DBNDD1: variants seen among roughly 807,000 people sequenced by gnomAD.
DBNDD1 encodes the protein dysbindin domain containing 1.
A neutral mutation model predicts 17.0 loss-of-function variants in DBNDD1; 14 were observed. That is an observed-to-expected ratio of 0.82 (90% CI 0.54 to 1.29). The LOEUF is 1.29. Ranked by LOEUF, DBNDD1 falls within the 50% of genes most tolerant of loss-of-function variation. The pLI is 0.00. For missense variants in DBNDD1, 221 were observed against 216.2 expected (o/e 1.02, Z -0.14); for synonymous variants, 105 against 102.0 (o/e 1.03, Z -0.18).
chr16:90,011,773 C>A (rs1245323791), intron 1 of DBNDD1: 1 of 418,884 alleles, frequency 2.4e-6, no homozygotes, highest in Admixed American at 2.5e-5. Flanking sequence ...AGCAGGGATA[C>A]CTCTCCGCCC....
At chr16:90,011,795 G>C (rs2035560653) in intron 1 of DBNDD1, 1 of 392,046 alleles carries the variant, frequency 2.6e-6, no homozygotes, top group Admixed American at 2.8e-5. Flanking sequence ...GAGGGCACAG[G>C]GGACAGGGGG....
rs943106145 is a variant in DBNDD1, at chr16:90,019,143, G to A, written c.31+168C>T. Among the ~76,000 whole-genome samples the A allele has an allele frequency of 6.6e-6, 1 of 152,152 alleles. No individual in the cohort carries two copies. The highest frequency in any genetic ancestry group is 1.5e-5 in the Non-Finnish European group (1 of 68,000). On this transcript the variant is annotated intron_variant, in intron 1 of 3. Transcript: ENST00000002501. This position sits in a 1 kb window ranked among gnomAD's most constrained non-coding sequence, Gnocchi z 6.1. ...TCGGTCCGTGTGCCCCCAGCCCCGC[G>A]CGGGGACCGCGCCCGGGAGGTGCCC...
chr16:90,013,259 C>T (rs991128649), intron 1 of DBNDD1, among the ~76,000 whole-genome samples: 2 of 8,004 alleles, frequency 2.5e-4, no homozygotes, highest in Non-Finnish European at 5.8e-4. Context: ...CGAAACCTTG[C>T]CTTAAAAAAA....
Position 90,005,308 on chromosome 16 carries a change from C to G in DBNDD1, c.*1027G>C, listed in dbSNP as rs1031557354. 6.6e-6 allele frequency: 1 copy of G among 152,442 alleles called. No homozygotes were observed. Among genetic ancestry groups the G allele is most frequent in the African/African-American group, 2.4e-5 (1 of 41,596 alleles). The allele number at this position is 152,442 out of a possible 1,614,324, so 9.4% of individuals were successfully genotyped here. A position where few individuals can be genotyped will look rare whatever the true frequency, so the allele number is the denominator to read the frequency against. ...GATATTAAACTCATTCTTTGACTTG[C>G]TGTCAGGCAAGAAGCCCATTCTGTG... is the stretch of plus-strand genomic sequence containing the variant. On this transcript the variant is annotated 3_prime_UTR_variant, in exon 4 of 4. Transcript: ENST00000002501.
chr16:90,009,153 G>T, intron 2 of DBNDD1, 131 bp downstream of exon 2: 1 of 1,383,364 alleles, frequency 7.2e-7, no homozygotes, highest in South Asian at 1.4e-5. Flanking sequence ...AGAGCTGCAA[G>T]AGCCTAGCAC....
At chr16:90,016,422 G>A (rs1048427153) in intron 1 of DBNDD1, among the ~76,000 whole-genome samples, 4 of 152,200 alleles carry the variant, frequency 2.6e-5, no homozygotes, top group African/African-American at 9.7e-5. Flanking sequence ...GCATGGGGGC[G>A]GGTGCTGGCA....
chr16:90,009,827 C>T lies in DBNDD1; in HGVS notation c.32-397G>A, dbSNP rs2035517582. The T allele has an allele frequency of 7.7e-6, 7 of 908,692 alleles. 1 individual carries two copies. The Middle Eastern group carries it at 1.3e-3, about 175-fold the overall frequency. The allele number at this position is 908,692 out of a possible 1,614,324, so 56.3% of individuals were successfully genotyped here. ...CCCTGAAGGATCGCCCATGGATTTC[C>T]ATGTCCAGCCTCTTGGTCCCCTTCA... is the stretch of plus-strand genomic sequence containing the variant. On this transcript the variant is annotated intron_variant, in intron 1 of 3. Coordinates refer to ENST00000002501, the MANE Select transcript of DBNDD1 (RefSeq NM_001042610.3).
At chr16:90,012,024 G>T (rs1054731452) in intron 1 of DBNDD1, among the ~76,000 whole-genome samples, 6 of 152,248 alleles carry the variant, frequency 3.9e-5, no homozygotes, top group African/African-American at 1.4e-4. Flanking sequence ...GCTGGACTGT[G>T]CTGTGGTCAC....
upstream of DBNDD1, chr16:90,019,795 G>C (rs1163789733): frequency 4.4e-6 from 3 of 689,606 alleles, no homozygotes; most frequent in East Asian, 8.2e-5. This position sits in a 1 kb window ranked among gnomAD's most constrained non-coding sequence, Gnocchi z 6.1. Flanking sequence ...CGCCGACTGT[G>C]TGCGGGCGCC....
chr16:90,006,564 CGCCGG>C, intron 3 of DBNDD1, 72 bp from the exon 4 acceptor site: 1 of 1,532,194 alleles, frequency 6.5e-7, no homozygotes, highest in Non-Finnish European at 8.8e-7. Flanking sequence ...CTCCAGGTGC[CGCCGG>C]CCTCCTGCGC....
chr16:90,006,413 C>A lies in DBNDD1; in HGVS notation c.399G>T (p.Lys133Asn), dbSNP rs752848344. ...TRTRAEQSHE[K>N]QPLGDPERQA... Reference sequence around the variant, plus strand: ...GCCGCTCGGGGTCGCCTAGGGGCTGCTTCTCGTGGCTCTGCTCAGCCCTTG... The same window carrying A: ...GCCGCTCGGGGTCGCCTAGGGGCTGATTCTCGTGGCTCTGCTCAGCCCTTG... The change falls in exon 4 of 4, where the codon AAG becomes AAT. Residue 133 changes from lysine (K) to asparagine (N), a missense_variant. Lys to Asn is a moderately conservative substitution (Grantham distance 94). Coordinates refer to ENST00000002501, the MANE Select transcript of DBNDD1 (RefSeq NM_001042610.3). 1 of 1,604,964 alleles carries A rather than the reference C, an allele frequency of 6.2e-7. No individual in the cohort carries two copies. The highest frequency in any genetic ancestry group is 8.5e-7 in the Non-Finnish European group (1 of 1,179,812).
At position 90,019,094 on chromosome 16, in the gene DBNDD1, C is replaced by G. The variant is rs972962176; in HGVS notation, c.31+217G>C. Among the ~76,000 whole-genome samples, 3 of 152,196 alleles carry G rather than the reference C, an allele frequency of 2.0e-5. No homozygotes were observed. Among genetic ancestry groups the G allele is most frequent in the Non-Finnish European group, 1.5e-5 (1 of 68,026 alleles). Reference sequence around the variant, plus strand: ...CGGGCACGGCTTCCCGGGCCGGGAGCGCAGAGAACAAGGGGGCGGAGACTC... The same window carrying G: ...CGGGCACGGCTTCCCGGGCCGGGAGGGCAGAGAACAAGGGGGCGGAGACTC... On this transcript the variant is annotated intron_variant, in intron 1 of 3. Transcript: ENST00000002501. The surrounding 1 kb of genome is among the most constrained non-coding windows in gnomAD (Gnocchi z 6.1).
intron 1 of DBNDD1, chr16:90,010,017 T>C: frequency 6.2e-7 from 1 of 1,614,198 alleles, no homozygotes; most frequent in Non-Finnish European, 8.5e-7. Context: ...TGCCTCACAG[T>C]TGAGCAAATA....
intron 1 of DBNDD1, among the ~76,000 whole-genome samples, chr16:90,017,261 C>G (rs13334855): frequency 6.6e-6 from 1 of 151,940 alleles, no homozygotes; most frequent in African/African-American, 2.4e-5. Context: ...TTTGGGAGGC[C>G]GAGGCGGGTG....
In DBNDD1 at chr16:90,009,626, C is replaced by T. The variant is rs544969949; in HGVS notation, c.32-196G>A. 7.7e-5 allele frequency: 60 copies of T among 777,398 alleles called. No homozygotes were observed. The East Asian group carries it at 9.7e-4, about 13-fold the overall frequency. The allele number at this position is 777,398 out of a possible 1,614,324, so 48.2% of individuals were successfully genotyped here. A position where few individuals can be genotyped will look rare whatever the true frequency, so the allele number is the denominator to read the frequency against. On this transcript the variant is annotated intron_variant, in intron 1 of 3. Transcript: ENST00000002501. ...GGGTTGAGGGGCTTCAAGGAGGCTG[C>T]TCCTTCCCCTTGGGCCCTGGCCTCC...
intron 1 of DBNDD1, among the ~76,000 whole-genome samples, chr16:90,010,879 TGGCCCTA>T (rs1264590866): frequency 1.3e-5 from 2 of 152,242 alleles, no homozygotes; most frequent in Non-Finnish European, 2.9e-5. Flanking sequence ...TGCCCCCCTT[TGGCCCTA>T]GGCCCTGTGG....
At chr16:90,018,567 C>G (rs1394703349) in intron 1 of DBNDD1, among the ~76,000 whole-genome samples, 1 of 152,218 alleles carries the variant, frequency 6.6e-6, no homozygotes, top group African/African-American at 2.4e-5. Flanking sequence ...CATCCAAGTT[C>G]CTACCTAGGC....
chr16:90,009,570 G>A, intron 1 of DBNDD1, 140 bp from the exon 2 acceptor site: 4 of 1,322,186 alleles, frequency 3.0e-6, no homozygotes, highest in Non-Finnish European at 4.2e-6. Flanking sequence ...GGATGGCTGG[G>A]CTTGTGGCCT....
chr16:90,010,024 A>G, intron 1 of DBNDD1: 2 of 1,614,124 alleles, frequency 1.2e-6, no homozygotes, highest in African/African-American at 1.3e-5. Flanking sequence ...CAGTTGAGCA[A>G]ATATTCTTCC....
Sources: gnomAD v4.1 joint callset for allele counts (sites outside exome capture counted in the v4.1 genomes callset) on GRCh38, gnomAD v4.1.1 for gene constraint, Gnocchi (gnomAD v3.1) non-coding constraint, MANE v1.5 for transcripts, NCBI Gene and HGNC (gene_info 2026-07-23, HGNC 2026-07-21) for gene names.